TRAPPC9: variants seen among roughly 807,000 people sequenced by gnomAD.
TRAPPC9 encodes the protein trafficking protein particle complex subunit 9.
Under a neutral mutation model 124.0 loss-of-function variants are expected in TRAPPC9, and 83 were observed. The observed-to-expected ratio is 0.67, with a 90% confidence interval of 0.56 to 0.80. The LOEUF (loss-of-function observed/expected upper bound fraction) is 0.80, where lower values mean the gene tolerates loss of function less well. Among genes scored for constraint, TRAPPC9 ranks in the 30% least tolerant of loss-of-function variants. The probability of loss-of-function intolerance (pLI) is 0.00; values close to 1 mark genes in which losing one functional copy is unlikely to be tolerated. For synonymous variants in TRAPPC9, 638 were observed against 617.5 expected, an observed-to-expected ratio of 1.03 and a Z score of -0.49; for missense variants, 1,302 against 1,508.3, an observed-to-expected ratio of 0.86 and a Z score of 2.27.
intron 17 of TRAPPC9, among the ~76,000 whole-genome samples, chr8:140,101,167 T>C (rs2060571426): frequency 6.6e-6 from 1 of 152,176 alleles, no homozygotes; most frequent in African/African-American, 2.4e-5. Context: ...TGAGACGGAG[T>C]CTCGCTCTGT....
At chr8:140,382,964 A>C (rs539540932) in intron 7 of TRAPPC9, among the ~76,000 whole-genome samples, 92 of 152,268 alleles carry the variant, frequency 6.0e-4, no homozygotes, top group African/African-American at 2.2e-3. Context: ...CTAAGACGAA[A>C]CTTCCAGAGG....
chr8:139,966,971 G>T (rs999339874), intron 19 of TRAPPC9, among the ~76,000 whole-genome samples: 2 of 152,188 alleles, frequency 1.3e-5, no homozygotes, highest in Non-Finnish European at 2.9e-5. Flanking sequence ...AAAAAAGCAT[G>T]CACCTTTTAA....
At chr8:139,957,651 T>G (rs1263644896) in intron 19 of TRAPPC9, among the ~76,000 whole-genome samples, 1 of 152,138 alleles carries the variant, frequency 6.6e-6, no homozygotes. Context: ...AAGAAGCAAG[T>G]GTCACATTCC....
intron 17 of TRAPPC9, among the ~76,000 whole-genome samples, chr8:140,129,263 G>A (rs974730958): frequency 3.3e-5 from 5 of 152,178 alleles, no homozygotes; most frequent in East Asian, 1.9e-4. Context: ...AGGCTGGCTC[G>A]GGTGTGTCTG....
At chr8:139,904,052 C>T (rs1022127340) in intron 20 of TRAPPC9, among the ~76,000 whole-genome samples, 3 of 152,062 alleles carry the variant, frequency 2.0e-5, no homozygotes, top group African/African-American at 7.2e-5. Context: ...AGCGATTATA[C>T]ACAGCACTTG....
chr8:140,188,757 C>T (rs1189834318), intron 17 of TRAPPC9, among the ~76,000 whole-genome samples: 3 of 152,210 alleles, frequency 2.0e-5, no homozygotes, highest in Non-Finnish European at 4.4e-5. Context: ...AGGGATCTAC[C>T]TTTGCTCCTC....
chr8:139,964,858 T>C lies in TRAPPC9; in HGVS notation c.2810+23868A>G, dbSNP rs149982533. 1.3e-4 allele frequency among the ~76,000 whole-genome samples: 20 copies of C among 152,302 alleles called. No homozygotes were observed. The East Asian group carries it at 3.9e-3, about 29-fold the overall frequency. The stretch of plus-strand genomic sequence containing the variant: ...GGACCTTAGACCCCAGTGCTGCTCA[T>C]ACATGCACTTGAGAAGCTTACGTGA... On this transcript the variant is annotated intron_variant, in intron 19 of 22. Coordinates refer to ENST00000438773, the MANE Select transcript of TRAPPC9 (RefSeq NM_001160372.4).
At chr8:140,343,493 G>A (rs961884262) in intron 9 of TRAPPC9, among the ~76,000 whole-genome samples, 5 of 152,332 alleles carry the variant, frequency 3.3e-5, no homozygotes, top group African/African-American at 4.8e-5. Flanking sequence ...AGGCAGGGCC[G>A]CGAAAGGACG....
At chr8:139,970,489 G>A (rs1425080065) in intron 19 of TRAPPC9, among the ~76,000 whole-genome samples, 1 of 152,176 alleles carries the variant, frequency 6.6e-6, no homozygotes, top group Non-Finnish European at 1.5e-5. Context: ...AGAAGCGGGA[G>A]CCAGTAGCCT....
intron 18 of TRAPPC9, among the ~76,000 whole-genome samples, chr8:140,013,770 G>A (rs79860666): frequency 0.02 from 3,114 of 152,300 alleles, 123 homozygotes; most frequent in African/African-American, 0.07. Flanking sequence ...TCTGCCTTGT[G>A]TCAGGCACTG....
chr8:140,219,071 C>G (rs145781367), intron 17 of TRAPPC9, among the ~76,000 whole-genome samples: 72 of 152,190 alleles, frequency 4.7e-4, no homozygotes, highest in African/African-American at 1.7e-3. Flanking sequence ...AAACAGCAGA[C>G]CCGCCAGAAA....
chr8:139,815,904 A>G (rs1824798379), intron 21 of TRAPPC9, among the ~76,000 whole-genome samples: 2 of 152,246 alleles, frequency 1.3e-5, no homozygotes, highest in Admixed American at 1.3e-4. Context: ...GACTCTTCAC[A>G]GTCACCTTGA....
intron 16 of TRAPPC9, among the ~76,000 whole-genome samples, chr8:140,232,980 G>C (rs1033770434): frequency 6.6e-6 from 1 of 152,108 alleles, no homozygotes; most frequent in Non-Finnish European, 1.5e-5. Context: ...TGAGTGTTTC[G>C]TGTGTTCTTC....
intron 19 of TRAPPC9, among the ~76,000 whole-genome samples, chr8:139,947,905 T>TAGAGAGAGAG (rs1431867247): frequency 9.2e-5 from 4 of 43,348 alleles, no homozygotes; most frequent in Non-Finnish European, 1.3e-4. Flanking sequence ...TATATATATA[T>TAGAGAGAGAG]ATAGAGAGAG....
At chr8:140,205,137 T>C (rs2062891204) in intron 17 of TRAPPC9, among the ~76,000 whole-genome samples, 2 of 152,230 alleles carry the variant, frequency 1.3e-5, no homozygotes, top group Admixed American at 1.3e-4. Context: ...GACATCTCCT[T>C]TACAATGATT....
chr8:139,743,590 GT>G (rs1273880483), intron 21 of TRAPPC9, among the ~76,000 whole-genome samples: 1 of 152,176 alleles, frequency 6.6e-6, no homozygotes, highest in East Asian at 1.9e-4. Flanking sequence ...TTCAGGTAAG[GT>G]TTGGCTTCAG....
chr8:139,954,933 A>G (rs1834879720), intron 19 of TRAPPC9, among the ~76,000 whole-genome samples: 2 of 152,252 alleles, frequency 1.3e-5, no homozygotes, highest in South Asian at 2.1e-4. Flanking sequence ...GTACCAAAAC[A>G]TCTCATCAAG....
chr8:139,991,214 C>G (rs529679326), intron 18 of TRAPPC9, among the ~76,000 whole-genome samples: 1 of 152,244 alleles, frequency 6.6e-6, no homozygotes, highest in South Asian at 2.1e-4. Context: ...TTTTTAAAAG[C>G]CTGGAATAAA....
At chr8:140,354,845 G>A (rs919171636) in intron 9 of TRAPPC9, among the ~76,000 whole-genome samples, 4 of 152,164 alleles carry the variant, frequency 2.6e-5, no homozygotes, top group Admixed American at 6.5e-5. Context: ...ATGGAGGCTG[G>A]GGAGAATGTA....
Sources: gnomAD v4.1 joint callset for allele counts (sites outside exome capture counted in the v4.1 genomes callset) on GRCh38, gnomAD v4.1.1 for gene constraint, MANE v1.5 for transcripts, NCBI Gene and HGNC (gene_info 2026-07-23, HGNC 2026-07-21) for gene names.